Variants in NCAM2 observed in about 807,000 individuals in gnomAD.
NCAM2 encodes N-CAM-2.
In NCAM2, 30 loss-of-function variants were observed where a neutral mutation model predicts 98.1. The observed-to-expected ratio is 0.31, with a 90% CI of 0.23 to 0.41. The LOEUF is 0.41. Among genes scored for constraint, NCAM2 ranks in the 10% least tolerant of loss-of-function variants. The pLI is 1.00. For missense variants in NCAM2, 867 were observed against 1,005.8 expected (o/e 0.86, Z 1.87); for synonymous variants, 368 against 342.4 (o/e 1.07, Z -0.83).
chr21:21,495,001 C>A (rs937240556), intron 15 of NCAM2, among the ~76,000 whole-genome samples: 11 of 151,604 alleles, frequency 7.3e-5, no homozygotes, highest in Non-Finnish European at 1.5e-4. Flanking sequence ...AAGTTCTCAT[C>A]AACATTTCTA....
intron 5 of NCAM2, among the ~76,000 whole-genome samples, chr21:21,312,149 T>G (rs2074074468): frequency 6.6e-6 from 1 of 152,042 alleles, no homozygotes; most frequent in Non-Finnish European, 1.5e-5. Flanking sequence ...TTGGCAGGTG[T>G]TTTTCATCAT....
At chr21:21,400,739 G>T (rs2076610566) in intron 9 of NCAM2, among the ~76,000 whole-genome samples, 1 of 151,652 alleles carries the variant, frequency 6.6e-6, no homozygotes, top group African/African-American at 2.4e-5. Flanking sequence ...GCACCTTATT[G>T]TACAAACATA....
chr21:21,120,120 T>G (rs1432926533), intron 1 of NCAM2, among the ~76,000 whole-genome samples: 1 of 152,226 alleles, frequency 6.6e-6, no homozygotes, highest in African/African-American at 2.4e-5. Flanking sequence ...TTACGTTTGT[T>G]CCTTGTATGC....
At chr21:21,331,510 T>TATATATATATATATATATATATATATACA (rs1441524860) in intron 6 of NCAM2, among the ~76,000 whole-genome samples, 1 of 1,060 alleles carries the variant, frequency 9.4e-4, no homozygotes, top group Non-Finnish European at 2.5e-3. Context: ...CTCTATACTC[T>TATATATATATATATATATATATATATACA]CTCTCTCTAT....
At chr21:21,135,687 T>G (rs1301500266) in intron 1 of NCAM2, among the ~76,000 whole-genome samples, 1 of 152,196 alleles carries the variant, frequency 6.6e-6, no homozygotes, top group Non-Finnish European at 1.5e-5. Context: ...CCTAACTCAC[T>G]GTTTTCTGAT....
intron 15 of NCAM2, among the ~76,000 whole-genome samples, chr21:21,501,617 C>CTTTTTTTTTTTTTTT (rs5842933): frequency 6.9e-6 from 1 of 143,992 alleles, no homozygotes; most frequent in Admixed American, 6.9e-5. Flanking sequence ...ATTAATGTTC[C>CTTTTTTTTTTTTTTT]TTTTTTTTTT....
At chr21:21,398,042 G>A (rs2076551785) in intron 9 of NCAM2, among the ~76,000 whole-genome samples, 1 of 152,184 alleles carries the variant, frequency 6.6e-6, no homozygotes, top group East Asian at 1.9e-4. Context: ...TCAATGAGTG[G>A]ATAAAGAAAA....
intron 15 of NCAM2, among the ~76,000 whole-genome samples, chr21:21,500,872 G>A (rs1213570511): frequency 2.6e-5 from 4 of 151,928 alleles, no homozygotes; most frequent in African/African-American, 9.7e-5. Flanking sequence ...ATTTTATTTC[G>A]TGACAAGTGG....
intron 16 of NCAM2, among the ~76,000 whole-genome samples, chr21:21,521,534 A>G (rs139750216): frequency 7.9e-5 from 12 of 152,274 alleles, no homozygotes; most frequent in Admixed American, 6.5e-4. Flanking sequence ...TCTAACAGGT[A>G]AGGTAGACAA....
At chr21:21,437,373 T>A (rs1449235006) in intron 12 of NCAM2, among the ~76,000 whole-genome samples, 1 of 152,092 alleles carries the variant, frequency 6.6e-6, no homozygotes, top group Non-Finnish European at 1.5e-5. Context: ...TTGACGAATA[T>A]CAGCCTCACC....
At chr21:21,009,578 A>AG (rs1192591358) in intron 1 of NCAM2, among the ~76,000 whole-genome samples, 50 of 152,120 alleles carry the variant, frequency 3.3e-4, no homozygotes, top group African/African-American at 1.2e-3. Flanking sequence ...TAAATAAATG[A>AG]GGGGGATATA....
intron 9 of NCAM2, among the ~76,000 whole-genome samples, chr21:21,384,665 A>G (rs1010002734): frequency 2.0e-5 from 3 of 151,996 alleles, no homozygotes; most frequent in African/African-American, 7.2e-5. Flanking sequence ...TAAGTGACCT[A>G]TAATTAATTG....
chr21:21,057,472 A>G (rs1373654925), intron 1 of NCAM2, among the ~76,000 whole-genome samples: 2 of 152,134 alleles, frequency 1.3e-5, no homozygotes, highest in African/African-American at 4.8e-5. Context: ...TCCAGACTTC[A>G]GAGAGGTAAC....
chr21:21,182,072 T>G (rs2068495292), intron 1 of NCAM2, among the ~76,000 whole-genome samples: 1 of 151,396 alleles, frequency 6.6e-6, no homozygotes, highest in Admixed American at 6.6e-5. Flanking sequence ...CATTACTGTA[T>G]CCCGAGCACC....
chr21:21,052,940 T>C (rs1181116041), intron 1 of NCAM2, among the ~76,000 whole-genome samples: 1 of 152,190 alleles, frequency 6.6e-6, no homozygotes, highest in East Asian at 1.9e-4. Flanking sequence ...AGGGTTTGTT[T>C]GTTTTTGTAT....
intron 1 of NCAM2, among the ~76,000 whole-genome samples, chr21:21,011,488 A>G (rs1484368457): frequency 2.0e-5 from 3 of 152,092 alleles, no homozygotes; most frequent in African/African-American, 7.2e-5. Flanking sequence ...TATTTACAGT[A>G]TATGGCATGA....
chr21:21,457,836 T>C (rs2146175113), intron 12 of NCAM2, among the ~76,000 whole-genome samples: 1 of 152,284 alleles, frequency 6.6e-6, no homozygotes, highest in South Asian at 2.1e-4. Context: ...AAAGATAGAA[T>C]TATTAATCAA....
chr21:21,146,704 G>T (rs2067285258), intron 1 of NCAM2, among the ~76,000 whole-genome samples: 1 of 151,718 alleles, frequency 6.6e-6, no homozygotes. Context: ...TAATACCTTC[G>T]CAAGATTTCA....
intron 15 of NCAM2, among the ~76,000 whole-genome samples, chr21:21,505,106 C>T (rs1433380198): frequency 6.6e-6 from 1 of 151,988 alleles, no homozygotes; most frequent in Admixed American, 6.6e-5. Flanking sequence ...ATAAAAATAA[C>T]TTCAAGCAAC....
Sources: gnomAD v4.1 joint callset for allele counts (sites outside exome capture counted in the v4.1 genomes callset) on GRCh38, gnomAD v4.1.1 for gene constraint, MANE v1.5 for transcripts, NCBI Gene and HGNC (gene_info 2026-07-23, HGNC 2026-07-21) for gene names.